Variants in DST observed in about 807,000 individuals in gnomAD.
The protein encoded by DST is dystonin.
A neutral mutation model predicts 875.2 loss-of-function variants in DST; 253 were observed. The observed-to-expected ratio is 0.29, with a 90% confidence interval of 0.26 to 0.32. The LOEUF (loss-of-function observed/expected upper bound fraction) is 0.32. DST is among the 10% of genes least tolerant of loss of function. The pLI is 1.00. For missense variants in DST, 8,287 were observed against 9,111.6 expected (o/e 0.91, Z 3.68); for synonymous variants, 3,124 against 3,197.1 (o/e 0.98, Z 0.77).
intron 10 of DST, among the ~76,000 whole-genome samples, chr6:56,654,636 G>A (rs989416475): frequency 2.2e-5 from 3 of 135,874 alleles, no homozygotes; most frequent in Admixed American, 2.1e-4. Context: ...ATACAGGTAT[G>A]TTGGCATTTA....
At chr6:56,678,616 A>C (rs1314528674) in intron 9 of DST, among the ~76,000 whole-genome samples, 18 of 152,196 alleles carry the variant, frequency 1.2e-4, no homozygotes, top group Non-Finnish European at 1.5e-5. Context: ...GCCATGTCAA[A>C]ATAAAAGCTT....
chr6:56,772,063 G>C (rs939009565), intron 4 of DST, among the ~76,000 whole-genome samples: 11 of 152,166 alleles, frequency 7.2e-5, no homozygotes, highest in Admixed American at 7.2e-4. Flanking sequence ...GTAGGGAAGA[G>C]TAACACCCTA....
chr6:56,810,327 T>C (rs2099758378), intron 4 of DST, among the ~76,000 whole-genome samples: 1 of 151,714 alleles, frequency 6.6e-6, no homozygotes, highest in South Asian at 2.1e-4. Flanking sequence ...ATATATGTAT[T>C]ATATCTACAC....
At chr6:56,824,780 G>A (rs1405448620) in intron 4 of DST, among the ~76,000 whole-genome samples, 6 of 151,680 alleles carry the variant, frequency 4.0e-5, no homozygotes, top group East Asian at 2.0e-4. Flanking sequence ...CAGCTGCCCC[G>A]TCTGAGAAGT....
intron 80 of DST, among the ~76,000 whole-genome samples, chr6:56,500,724 C>T (rs985938090): frequency 1.3e-5 from 2 of 152,082 alleles, no homozygotes. Context: ...ATTTTTTAGG[C>T]TATCCCTAAC....
chr6:56,765,997 T>C (rs539632131), intron 4 of DST, among the ~76,000 whole-genome samples: 24 of 152,350 alleles, frequency 1.6e-4, no homozygotes, highest in African/African-American at 5.8e-4. Flanking sequence ...CAAAAGGATT[T>C]GTCCTACTTA....
chr6:56,749,110 T>C (rs2099580263), intron 4 of DST, among the ~76,000 whole-genome samples: 1 of 152,122 alleles, frequency 6.6e-6, no homozygotes, highest in African/African-American at 2.4e-5. Context: ...CTCAGGCCTG[T>C]AATCCCAGCA....
At chr6:56,850,042 G>A (rs1425051182) in intron 4 of DST, among the ~76,000 whole-genome samples, 1 of 152,138 alleles carries the variant, frequency 6.6e-6, no homozygotes, top group African/African-American at 2.4e-5. Flanking sequence ...ACAGGGCAAG[G>A]AGGCAGGCCT....
In DST at chr6:56,552,812, T is replaced by G. The variant is rs2097344538; in HGVS notation, c.15980A>C (p.His5327Pro). The change falls in exon 61 of 104, where the codon CAT becomes CCT. Residue 5327 changes from histidine to proline, a missense_variant. This residue lies in a region of DST where 1,513 missense variants were observed against 1,677.8 expected (regional missense o/e 0.90). Coordinates refer to ENST00000680361, the MANE Select transcript of DST (RefSeq NM_001374736.1). ...TQQKSLQALK[H>P]QVDLAKRLAQ... ...AAGTCTTTTAGCCAAATCTACCTGA[T>G]GCTTCAAGGCCTGAAGTGATTTCTG... 4 of 1,611,920 alleles carry G rather than the reference T, an allele frequency of 2.5e-6. No homozygotes were observed. The highest frequency in any genetic ancestry group is 3.4e-6 in the Non-Finnish European group (4 of 1,179,894).
chr6:56,459,057 G>T lies in DST; in HGVS notation c.23405C>A (p.Thr7802Lys). 1 of 1,613,950 alleles carries T rather than the reference G, an allele frequency of 6.2e-7. No individual in the cohort carries two copies. Among genetic ancestry groups the T allele is most frequent in the Non-Finnish European group, 8.5e-7 (1 of 1,179,844 alleles). Residue 7802 changes from threonine to lysine, a missense_variant, in exon 104 of 104, where the codon ACG becomes AAG. By Grantham distance (78) the Thr-to-Lys change is moderately conservative (BLOSUM62 -1). Around this residue, in one of 10 missense-constraint regions of DST, gnomAD observed 240 missense variants for 237.3 expected, o/e 1.01. Transcript: ENST00000680361. Reference protein sequence around the residue: ...PSTAKPSKIPTPQRKSPASKL... With the variant: ...PSTAKPSKIPKPQRKSPASKL... The stretch of plus-strand genomic sequence containing the variant: ...GCTGGCAGGTGATTTCCTCTGGGGC[G>T]TGGGGATTTTTGAAGGCTTCGCTGT...
At chr6:56,563,719 C>T (rs1479959550) in intron 55 of DST, among the ~76,000 whole-genome samples, 6 of 152,142 alleles carry the variant, frequency 3.9e-5, no homozygotes, top group Non-Finnish European at 2.9e-5. Flanking sequence ...TTAGGCCTTA[C>T]GTTTACGTCT....
intron 4 of DST, among the ~76,000 whole-genome samples, chr6:56,753,392 A>T (rs2099593673): frequency 1.3e-5 from 2 of 152,316 alleles, no homozygotes; most frequent in South Asian, 4.1e-4. Context: ...GAAATACCAG[A>T]CCTCAAATCC....
intron 2 of DST, among the ~76,000 whole-genome samples, 184 bp downstream of exon 2, chr6:56,953,601 T>C (rs1471451641): frequency 6.6e-6 from 1 of 152,176 alleles, no homozygotes; most frequent in Non-Finnish European, 1.5e-5. Context: ...CACAAGAAAT[T>C]TGCTAAAACC....
chr6:56,934,413 C>A (rs956917470), intron 2 of DST, among the ~76,000 whole-genome samples: 13 of 151,426 alleles, frequency 8.6e-5, no homozygotes, highest in Admixed American at 5.9e-4. Context: ...AATAATAAAT[C>A]ACTTTTGTTA....
intron 49 of DST, among the ~76,000 whole-genome samples, chr6:56,583,134 T>C (rs1484765858): frequency 6.6e-6 from 1 of 152,190 alleles, no homozygotes; most frequent in Non-Finnish European, 1.5e-5. Context: ...CTGGGTCAAA[T>C]AGTATTTCTA....
chr6:56,772,813 T>C (rs1365572125), intron 4 of DST, among the ~76,000 whole-genome samples: 3 of 152,192 alleles, frequency 2.0e-5, no homozygotes. Flanking sequence ...ACCTCTGTTA[T>C]GCACATCCTT....
At chr6:56,881,300 G>T (rs977618982) in intron 3 of DST, among the ~76,000 whole-genome samples, 1 of 151,310 alleles carries the variant, frequency 6.6e-6, no homozygotes, top group South Asian at 2.1e-4. Context: ...TAGTGAAACC[G>T]CATCTCTACT....
In DST at chr6:56,579,475, A is replaced by C. The variant is rs554282593; in HGVS notation, c.12904-538T>G. Among the ~76,000 whole-genome samples, 13 of 152,340 alleles carry C rather than the reference A, an allele frequency of 8.5e-5. 1 individual carries two copies. Among genetic ancestry groups the C allele is most frequent in the African/African-American group, 2.9e-4 (12 of 41,586 alleles). ...AATATACAAAAATAAAAACAGACAC[A>C]AAGCTTACTTTCAGGGATTTTATGG... On this transcript the variant is annotated intron_variant, in intron 49 of 103. Transcript: ENST00000680361.
At chr6:56,516,493 C>T (rs144332515) in intron 71 of DST, among the ~76,000 whole-genome samples, 3,836 of 152,068 alleles carry the variant, frequency 0.025, 74 homozygotes, top group Non-Finnish European at 0.043. Context: ...CATTGTGCAT[C>T]CTATTATTTT....
Sources: gnomAD v4.1 joint callset for allele counts (sites outside exome capture counted in the v4.1 genomes callset) on GRCh38, gnomAD v4.1.1 for gene constraint, gnomAD v4.1.1 regional missense constraint, MANE v1.5 for transcripts, NCBI Gene and HGNC (gene_info 2026-07-23, HGNC 2026-07-21) for gene names.